TIAM1: variants seen among roughly 807,000 people sequenced by gnomAD.
TIAM1 encodes the protein TIAM Rac1 associated GEF 1, also known as rho guanine nucleotide exchange factor TIAM1.
TIAM1 carries 65 observed loss-of-function variants against 163.5 expected under a neutral mutation model. The observed-to-expected ratio is 0.40, with a 90% confidence interval of 0.33 to 0.49. The LOEUF (loss-of-function observed/expected upper bound fraction) is 0.49, where lower values mean the gene tolerates loss of function less well. Among genes scored for constraint, TIAM1 ranks in the 20% least tolerant of loss-of-function variants. TIAM1 has a pLI of 0.77. For synonymous variants in TIAM1, 833 were observed against 810.1 expected (o/e 1.03, Z -0.48); for missense variants, 1,789 against 2,044.7 (o/e 0.87, Z 2.41).
At chr21:31,274,712 A>T (rs961992159) in intron 3 of TIAM1, among the ~76,000 whole-genome samples, 1 of 152,228 alleles carries the variant, frequency 6.6e-6, no homozygotes, top group Non-Finnish European at 1.5e-5. Context: ...GGGGTCAAAC[A>T]TCTCTAGTGC....
At chr21:31,204,197 TTTAAGCATCC>T (rs1294700438) in intron 11 of TIAM1, among the ~76,000 whole-genome samples, 2 of 152,216 alleles carry the variant, frequency 1.3e-5, no homozygotes, top group Non-Finnish European at 2.9e-5. Context: ...AAGTGATTTT[TTTAAGCATCC>T]TTATCTTTTA....
intron 2 of TIAM1, among the ~76,000 whole-genome samples, chr21:31,410,463 G>A (rs1182518974): frequency 1.3e-5 from 2 of 150,622 alleles, no homozygotes; most frequent in African/African-American, 2.5e-5. Flanking sequence ...ACGTATGTGA[G>A]CATGTGTGAG....
At chr21:31,414,359 G>A (rs1323072290) in intron 2 of TIAM1, among the ~76,000 whole-genome samples, 2 of 152,200 alleles carry the variant, frequency 1.3e-5, no homozygotes, top group Non-Finnish European at 2.9e-5. Context: ...ACTCAAAAGC[G>A]AAGCTGTCCT....
At chr21:31,314,990 C>A (rs1028498754) in intron 2 of TIAM1, among the ~76,000 whole-genome samples, 4 of 152,192 alleles carry the variant, frequency 2.6e-5, no homozygotes, top group African/African-American at 9.6e-5. Flanking sequence ...CCAAGTTTCA[C>A]GTATTTATTT....
chr21:31,193,756 C>T (rs2284483), intron 13 of TIAM1, among the ~76,000 whole-genome samples: 34,183 of 152,128 alleles, frequency 0.22, 6,394 homozygotes, highest in African/African-American at 0.48. Flanking sequence ...GCTGCACACA[C>T]AGACAAGCAA....
At chr21:31,377,446 GC>G (rs2147167217) in intron 2 of TIAM1, among the ~76,000 whole-genome samples, 1 of 152,166 alleles carries the variant, frequency 6.6e-6, no homozygotes, top group Non-Finnish European at 1.5e-5. Flanking sequence ...CATGGAGCTG[GC>G]TCTAGTCCTC....
intron 2 of TIAM1, among the ~76,000 whole-genome samples, chr21:31,295,297 C>T (rs529189696): frequency 8.2e-4 from 125 of 152,036 alleles, no homozygotes; most frequent in Non-Finnish European, 1.2e-3. Flanking sequence ...GGTGAAACCC[C>T]GTCTCTACTA....
chr21:31,153,702 A>T (rs1433919673), intron 17 of TIAM1, among the ~76,000 whole-genome samples: 1 of 82,916 alleles, frequency 1.2e-5, no homozygotes, highest in African/African-American at 6.2e-5. Flanking sequence ...TATTAGGTCA[A>T]CAACACATAC....
chr21:31,414,247 T>C (rs2147246560), intron 2 of TIAM1, among the ~76,000 whole-genome samples: 1 of 152,328 alleles, frequency 6.6e-6, no homozygotes, highest in Non-Finnish European at 1.5e-5. Context: ...GTTCCCGTCC[T>C]CTTGTGAATC....
chr21:31,453,688 CAGTAAATAAATAAATAAATAAAT>C lies in TIAM1; in HGVS notation c.-369+10272_-369+10294del, dbSNP rs1331019572. On this transcript the variant is annotated intron_variant, in intron 2 of 28. Coordinates refer to the TIAM1 transcript ENST00000286827. ...GGGCAATAGAGCGAGACTCCATCTC[CAGTAAATAAATAAATAAATAAAT>C]AAATAAATAAATAAATAAATAAATT... Among the ~76,000 whole-genome samples, 69 of 145,024 alleles carry C rather than the reference CAGTAAATAAATAAATAAATAAAT, an allele frequency of 4.8e-4. 1 individual carries two copies. The highest frequency in any genetic ancestry group is 4.2e-3 in the Admixed American group (61 of 14,430).
At chr21:31,328,941 C>T (rs981525824) in intron 2 of TIAM1, among the ~76,000 whole-genome samples, 1 of 152,176 alleles carries the variant, frequency 6.6e-6, no homozygotes, top group Non-Finnish European at 1.5e-5. Flanking sequence ...CTACCATACC[C>T]AGCCCAGACA....
intron 1 of TIAM1, among the ~76,000 whole-genome samples, chr21:31,473,429 C>CAAAAAAAAAAAAAAAA (rs56691495): frequency 2.6e-5 from 2 of 75,740 alleles, no homozygotes; most frequent in African/African-American, 4.2e-5. Flanking sequence ...GACTCCATCT[C>CAAAAAAAAAAAAAAAA]AAAAAAAAAA....
At chr21:31,219,512 G>A (rs746161421) in intron 8 of TIAM1, among the ~76,000 whole-genome samples, 12 of 152,226 alleles carry the variant, frequency 7.9e-5, no homozygotes, top group South Asian at 2.1e-4. Flanking sequence ...AGCAGTCAGC[G>A]TGTTGGTTGG....
chr21:31,415,869 C>A (rs754816245), intron 2 of TIAM1, among the ~76,000 whole-genome samples: 2 of 152,108 alleles, frequency 1.3e-5, no homozygotes, highest in African/African-American at 4.8e-5. Flanking sequence ...GTCTCTGTCT[C>A]GGCCACCTCC....
chr21:31,533,735 A>T (rs1012656496), intron 1 of TIAM1, among the ~76,000 whole-genome samples: 1 of 152,156 alleles, frequency 6.6e-6, no homozygotes, highest in Non-Finnish European at 1.5e-5. Flanking sequence ...CTGTCTCTAA[A>T]AAAATAAAAT....
rs551614446 is a variant in TIAM1 at position 31,465,734 on chromosome 21, C to T, written c.-421-1699G>A. Among the ~76,000 whole-genome samples, 24 of 152,242 alleles carry T rather than the reference C, an allele frequency of 1.6e-4. No homozygotes were observed. The South Asian group carries it at 3.7e-3, about 24-fold the overall frequency. On this transcript the variant is annotated intron_variant, in intron 1 of 28. Transcript: ENST00000286827. Reference sequence around the variant, plus strand: ...TACAGGCGCCCGCCACCATGCCCAGCGAATTTTTTGTATTTTTAGTAGAGA... The same window carrying T: ...TACAGGCGCCCGCCACCATGCCCAGTGAATTTTTTGTATTTTTAGTAGAGA...
chr21:31,354,559 C>A (rs2147122920), intron 2 of TIAM1, among the ~76,000 whole-genome samples: 1 of 152,006 alleles, frequency 6.6e-6, no homozygotes, highest in Non-Finnish European at 1.5e-5. Flanking sequence ...ATTTATAATA[C>A]CTCCCTGAAG....
At chr21:31,197,063 A>G (rs2085895629) in intron 12 of TIAM1, among the ~76,000 whole-genome samples, 1 of 152,188 alleles carries the variant, frequency 6.6e-6, no homozygotes, top group Non-Finnish European at 1.5e-5. Context: ...AAAAATGGCA[A>G]CAATAGATAC....
At chr21:31,328,528 G>A (rs1379005156) in intron 2 of TIAM1, among the ~76,000 whole-genome samples, 3 of 151,704 alleles carry the variant, frequency 2.0e-5, no homozygotes, top group South Asian at 2.1e-4. Flanking sequence ...ACGGCACCAC[G>A]ACTGGCTTAT....
Sources: gnomAD v4.1 joint callset for allele counts (sites outside exome capture counted in the v4.1 genomes callset) on GRCh38, gnomAD v4.1.1 for gene constraint, MANE v1.5 for transcripts, NCBI Gene and HGNC (gene_info 2026-07-23, HGNC 2026-07-21) for gene names.